Variants in RUVBL1 observed in about 807,000 individuals in gnomAD.
RUVBL1 encodes ruvB-like 1.
Under a neutral mutation model 52.4 loss-of-function variants are expected in RUVBL1, and 4 were observed. That is an observed-to-expected ratio of 0.08 (90% CI 0.04 to 0.17). RUVBL1 has a LOEUF of 0.17. Ranked by LOEUF, RUVBL1 falls within the 10% of genes least tolerant of loss-of-function variation. The pLI, the probability that RUVBL1 is intolerant of heterozygous loss-of-function variation, is 1.00. For missense variants in RUVBL1, 298 were observed against 572.8 expected, an observed-to-expected ratio of 0.52 and a Z score of 4.90; for synonymous variants, 217 against 214.4, an observed-to-expected ratio of 1.01 and a Z score of -0.10.
At chr3:128,073,153 C>T (rs1374760228) in intron 9 of RUVBL1, among the ~76,000 whole-genome samples, 1 of 152,170 alleles carries the variant, frequency 6.6e-6, no homozygotes, top group Non-Finnish European at 1.5e-5. Flanking sequence ...GGCTGCTGGT[C>T]CTGCCTGCAG....
At chr3:128,129,399 G>T (rs1272114070) in intron 1 of RUVBL1, among the ~76,000 whole-genome samples, 1 of 152,100 alleles carries the variant, frequency 6.6e-6, no homozygotes, top group Non-Finnish European at 1.5e-5. Context: ...CTTATGGGAT[G>T]CAGCAAAAGC....
At chr3:128,075,736 G>A (rs926700784) in intron 9 of RUVBL1, 1 of 152,228 alleles carries the variant, frequency 6.6e-6, no homozygotes, top group Non-Finnish European at 1.5e-5. Flanking sequence ...CCACGGGCGC[G>A]ACTCTGTGCG....
upstream of RUVBL1, among the ~76,000 whole-genome samples, chr3:128,124,414 A>G (rs1426199700): frequency 1.3e-5 from 2 of 152,142 alleles, no homozygotes; most frequent in Admixed American, 6.5e-5. Flanking sequence ...TGCAGCTACA[A>G]ACAAGCGGAA....
At chr3:128,105,970 A>C (rs1177643395) in intron 3 of RUVBL1, among the ~76,000 whole-genome samples, 1 of 149,762 alleles carries the variant, frequency 6.7e-6, no homozygotes, top group African/African-American at 2.5e-5. Context: ...CCCAGGTTCA[A>C]GTGATTCTCC....
intron 1 of RUVBL1, among the ~76,000 whole-genome samples, chr3:128,150,894 A>ATATATTC (rs1944189381): frequency 2.3e-5 from 2 of 85,794 alleles, no homozygotes; most frequent in Admixed American, 2.0e-4. Context: ...TATATATTCT[A>ATATATTC]TATATATAAT....
chr3:128,074,373 A>C (rs1484685668), intron 9 of RUVBL1, among the ~76,000 whole-genome samples: 1 of 112,884 alleles, frequency 8.9e-6, no homozygotes, highest in Non-Finnish European at 2.2e-5. Flanking sequence ...AACCTAATCT[A>C]TTGCAAAAAA....
At chr3:128,133,419 T>C (rs1249500938) in intron 1 of RUVBL1, among the ~76,000 whole-genome samples, 5 of 152,230 alleles carry the variant, frequency 3.3e-5, no homozygotes, top group Non-Finnish European at 7.3e-5. Flanking sequence ...CAGGCAGTGG[T>C]CACCATGGCC....
rs1180622694 is a variant in RUVBL1, at chr3:128,140,289, C to T, written c.-40+12914G>A. Among the ~76,000 whole-genome samples the T allele has an allele frequency of 3.6e-5, 5 of 139,480 alleles. 1 individual carries two copies. The highest frequency in any genetic ancestry group is 2.2e-4 in the East Asian group (1 of 4,532). The allele number at this position is 139,480 out of a possible 152,430, so 91.5% of individuals were successfully genotyped here. On this transcript the variant is annotated intron_variant, in intron 1 of 9. Coordinates refer to the RUVBL1 transcript ENST00000464873. ...TGTTACCCAGGCTAGAGGGCAGTGGCGTGATCTGGGCTCATCCTTGTGTGC... is the reference window on the plus strand; with the variant it reads ...TGTTACCCAGGCTAGAGGGCAGTGGTGTGATCTGGGCTCATCCTTGTGTGC...
exon 10 of RUVBL1, chr3:128,065,071 G>C (rs774603437): frequency 6.2e-7 from 1 of 1,610,874 alleles, no homozygotes; most frequent in Non-Finnish European, 8.5e-7. Flanking sequence ...GAGTTTCCAT[G>C]GTCTGGATTT....
intron 1 of RUVBL1, among the ~76,000 whole-genome samples, chr3:128,120,621 T>C (rs1943621991): frequency 6.6e-6 from 1 of 152,154 alleles, no homozygotes; most frequent in Non-Finnish European, 1.5e-5. Flanking sequence ...ATCTAAAAGG[T>C]GCTCTTCTCT....
upstream of RUVBL1, among the ~76,000 whole-genome samples, chr3:128,124,811 T>A (rs1281180691): frequency 3.3e-5 from 5 of 152,120 alleles, no homozygotes; most frequent in Non-Finnish European, 7.4e-5. Flanking sequence ...ATGAAGGTGA[T>A]GTTGCCTTGG....
intron 3 of RUVBL1, 143 bp downstream of exon 3, chr3:128,112,745 A>C: frequency 1.1e-6 from 1 of 917,158 alleles, no homozygotes; most frequent in East Asian, 2.5e-5. Context: ...TTTTATTTGA[A>C]AAATAATGCA....
At chr3:128,099,791 C>G (rs1045135569) in intron 6 of RUVBL1, among the ~76,000 whole-genome samples, 1 of 152,188 alleles carries the variant, frequency 6.6e-6, no homozygotes, top group Non-Finnish European at 1.5e-5. Context: ...GAACTCAAAA[C>G]CGAACCCCAA....
At position 128,133,549 on chromosome 3, in the gene RUVBL1, T is replaced by C. The variant is rs1049526837; in HGVS notation, c.-39-14135A>G. On this transcript the variant is annotated intron_variant, in intron 1 of 9. Transcript: ENST00000464873. ...GCTTCAGACAGCTTATCAGAGAGAC[T>C]CTGTTTGTTCCTGGGAAAGTACGGG... Among the ~76,000 whole-genome samples, 78 of 128,284 alleles carry C rather than the reference T, an allele frequency of 6.1e-4. 1 individual carries two copies. In the Admixed American group the frequency reaches 6.3e-3, roughly 10 times the overall value. The allele number at this position is 128,284 out of a possible 152,430, so 84.2% of individuals were successfully genotyped here.
intron 9 of RUVBL1, among the ~76,000 whole-genome samples, chr3:128,085,600 A>G (rs1027329399): frequency 8.5e-5 from 13 of 152,234 alleles, no homozygotes; most frequent in African/African-American, 2.4e-4. Context: ...AATTGCTACT[A>G]TGAACCATAA....
downstream of RUVBL1, among the ~76,000 whole-genome samples, chr3:128,077,015 T>G (rs1240558554): frequency 1.3e-5 from 2 of 151,200 alleles, no homozygotes; most frequent in Non-Finnish European, 3.0e-5. Context: ...CAGGCGCCCA[T>G]CGGCCCATCT....
In RUVBL1 at chr3:128,081,156, G is replaced by T; in HGVS notation, c.*94C>A. Reference sequence around the variant, plus strand: ...GCGCTGCAGACCACGCCTGAGTGGGGACGGCAGCCCCAAGCCCAGGGGCAA... The same window carrying T: ...GCGCTGCAGACCACGCCTGAGTGGGTACGGCAGCCCCAAGCCCAGGGGCAA... On this transcript the variant is annotated 3_prime_UTR_variant, in exon 11 of 11. Coordinates refer to ENST00000322623, the MANE Select transcript of RUVBL1 (RefSeq NM_003707.3). The surrounding 1 kb of genome is among the most constrained non-coding windows in gnomAD (Gnocchi z 4.8). 7.5e-7 allele frequency: 1 copy of T among 1,337,250 alleles called. No individual in the cohort carries two copies. Among genetic ancestry groups the T allele is most frequent in the Non-Finnish European group, 1.0e-6 (1 of 962,408 alleles). 82.8% of individuals were successfully genotyped at this position (1,337,250 alleles called of 1,614,324 possible).
In RUVBL1 at chr3:128,081,447, G is replaced by A. The variant is rs951384599; in HGVS notation, c.1212-38C>T. The A allele has an allele frequency of 1.6e-5, 26 of 1,584,646 alleles. No homozygotes were observed. Among genetic ancestry groups the A allele is most frequent in the East Asian group, 2.3e-5 (1 of 44,406 alleles). On this transcript the variant is annotated intron_variant, in intron 10 of 10. Coordinates refer to ENST00000322623, the MANE Select transcript of RUVBL1 (RefSeq NM_003707.3). The surrounding 1 kb of genome is among the most constrained non-coding windows in gnomAD (Gnocchi z 4.8). ...GGGGCCAGGGCTGGAGTGAAACTGG[G>A]GCCACCGAAGAAAGCACCTTCCCCC... is the stretch of plus-strand genomic sequence containing the variant.
intron 9 of RUVBL1, chr3:128,070,825 G>T: frequency 6.6e-6 from 1 of 152,546 alleles, no homozygotes; most frequent in Non-Finnish European, 1.5e-5. Context: ...TGTGCTGACA[G>T]GTGGCCTAGG....
Sources: allele counts gnomAD v4.1 joint callset (sites outside exome capture counted in the v4.1 genomes callset), GRCh38; gene constraint gnomAD v4.1.1; non-coding constraint Gnocchi (gnomAD v3.1); transcripts MANE v1.5; gene names NCBI Gene and HGNC (gene_info 2026-07-23, HGNC 2026-07-21).